REEP1: variants seen among roughly 807,000 people sequenced by gnomAD.
REEP1 encodes receptor accessory protein 1, also known as receptor expression-enhancing protein 1.
In REEP1, 22 loss-of-function variants were observed where a neutral mutation model predicts 40.3. The ratio of observed to expected loss-of-function variants is 0.55; its 90% confidence interval spans 0.39 to 0.78. The LOEUF (loss-of-function observed/expected upper bound fraction) is 0.78. Among genes scored for constraint, REEP1 ranks in the 30% least tolerant of loss-of-function variants. REEP1 has a pLI of 0.00. For synonymous variants in REEP1, 116 were observed against 139.2 expected (o/e 0.83, Z 1.17); for missense variants, 280 against 361.1 (o/e 0.78, Z 1.82).
intron 1 of REEP1, among the ~76,000 whole-genome samples, chr2:86,311,804 T>C (rs1215433720): frequency 6.6e-6 from 1 of 152,160 alleles, no homozygotes; most frequent in Non-Finnish European, 1.5e-5. Flanking sequence ...TGAGTATCTG[T>C]CACCCCTATG....
intron 1 of REEP1, among the ~76,000 whole-genome samples, chr2:86,289,309 C>T (rs1013316211): frequency 6.6e-6 from 1 of 152,126 alleles, no homozygotes; most frequent in South Asian, 2.1e-4. Flanking sequence ...CAGTGCTACC[C>T]GTCATACATA....
intron 1 of REEP1, among the ~76,000 whole-genome samples, chr2:86,286,485 G>C (rs1574083223): frequency 6.6e-6 from 1 of 152,052 alleles, no homozygotes; most frequent in Non-Finnish European, 1.5e-5. Flanking sequence ...TGGTCTTTGG[G>C]CCATGGACTC....
At chr2:86,304,571 T>A (rs1342857997) in intron 1 of REEP1, among the ~76,000 whole-genome samples, 1 of 152,216 alleles carries the variant, frequency 6.6e-6, no homozygotes, top group African/African-American at 2.4e-5. Flanking sequence ...CCAAAGCCGC[T>A]ATCATTGCTG....
intron 1 of REEP1, among the ~76,000 whole-genome samples, chr2:86,323,519 G>A (rs940398950): frequency 1.3e-5 from 2 of 152,298 alleles, no homozygotes; most frequent in South Asian, 4.1e-4. Context: ...ATGGGAGCAC[G>A]AATCCTATTG....
intron 1 of REEP1, among the ~76,000 whole-genome samples, chr2:86,302,174 C>T (rs1679281994): frequency 6.6e-6 from 1 of 152,222 alleles, no homozygotes; most frequent in Non-Finnish European, 1.5e-5. Flanking sequence ...AGGAGGCTCC[C>T]GGGTCCCAGA....
intron 5 of REEP1, among the ~76,000 whole-genome samples, chr2:86,237,294 T>G (rs1475110324): frequency 6.6e-6 from 1 of 152,082 alleles, no homozygotes; most frequent in East Asian, 1.9e-4. Flanking sequence ...AGTGGCAGCA[T>G]CAAAACTGGC....
At chr2:86,254,894 G>T in intron 3 of REEP1, 80 bp from the exon 4 acceptor site, 1 of 1,519,550 alleles carries the variant, frequency 6.6e-7, no homozygotes, top group Non-Finnish European at 9.0e-7. Flanking sequence ...CCGGTGGGTG[G>T]CAAGGACGCC....
At chr2:86,281,777 C>T (rs779380601) in intron 2 of REEP1, among the ~76,000 whole-genome samples, 72 of 152,176 alleles carry the variant, frequency 4.7e-4, no homozygotes, top group Non-Finnish European at 8.7e-4. Flanking sequence ...CCCAGGTCTG[C>T]CAGACTCTAA....
chr2:86,278,624 G>A (rs1677894522), intron 2 of REEP1, among the ~76,000 whole-genome samples: 1 of 152,146 alleles, frequency 6.6e-6, no homozygotes, highest in African/African-American at 2.4e-5. Context: ...TCTAAAATTG[G>A]GAGACATCTC....
At chr2:86,278,068 A>G (rs1275299954) in intron 2 of REEP1, among the ~76,000 whole-genome samples, 4 of 152,130 alleles carry the variant, frequency 2.6e-5, no homozygotes, top group South Asian at 4.1e-4. Context: ...TGGTTCCCTC[A>G]TTAGTTCATA....
intron 1 of REEP1, among the ~76,000 whole-genome samples, chr2:86,296,281 C>T (rs546664481): frequency 6.6e-6 from 1 of 152,334 alleles, no homozygotes; most frequent in South Asian, 2.1e-4. Context: ...TTTGCACATA[C>T]AAAAACTCTA....
intron 5 of REEP1, among the ~76,000 whole-genome samples, chr2:86,238,612 G>A (rs545616585): frequency 9.6e-4 from 146 of 152,268 alleles, no homozygotes; most frequent in Non-Finnish European, 1.6e-3. Flanking sequence ...ATCAGCCAGG[G>A]TCCCAGACCT....
chr2:86,254,932 TC>T, intron 3 of REEP1, 118 bp from the exon 4 acceptor site: 1 of 1,100,414 alleles, frequency 9.1e-7, no homozygotes, highest in Non-Finnish European at 1.3e-6. Flanking sequence ...GCTGCAAGTT[TC>T]CCAGATTCCT....
intron 1 of REEP1, among the ~76,000 whole-genome samples, chr2:86,313,387 T>C (rs1321985380): frequency 6.6e-6 from 1 of 152,010 alleles, no homozygotes; most frequent in Non-Finnish European, 1.5e-5. Flanking sequence ...TGCTAAGTTG[T>C]TGGGCCATCA....
chr2:86,317,151 CCA>C (rs1404640020), intron 1 of REEP1, among the ~76,000 whole-genome samples: 1 of 152,204 alleles, frequency 6.6e-6, no homozygotes, highest in South Asian at 2.1e-4. Context: ...AGAACACTCT[CCA>C]CACAGCCGAC....
At chr2:86,222,467 A>G (rs922935263) in intron 7 of REEP1, among the ~76,000 whole-genome samples, 2 of 152,260 alleles carry the variant, frequency 1.3e-5, no homozygotes, top group Admixed American at 1.3e-4. Context: ...CATTTCTGCC[A>G]AGAGTGTTGT....
At chr2:86,234,763 G>C (rs1355002107) in intron 5 of REEP1, among the ~76,000 whole-genome samples, 1 of 152,200 alleles carries the variant, frequency 6.6e-6, no homozygotes, top group African/African-American at 2.4e-5. Context: ...GTGATGGTTG[G>C]GCAAGGGTCC....
At chr2:86,303,339 C>T (rs1254347988) in intron 1 of REEP1, among the ~76,000 whole-genome samples, 1 of 150,824 alleles carries the variant, frequency 6.6e-6, no homozygotes, top group Non-Finnish European at 1.5e-5. Context: ...GCCTCAGGCT[C>T]CTAAGCAGCT....
Position 86,335,452 on chromosome 2 carries a change from C to T in REEP1, c.32+2027G>A, listed in dbSNP as rs541722822. Among the ~76,000 whole-genome samples, 4 of 152,252 alleles carry T rather than the reference C, an allele frequency of 2.6e-5. No individual in the cohort carries two copies. In the South Asian group the frequency reaches 8.3e-4, roughly 32 times the overall value. ...GCTGTTCATTTAAATTCTCTGAAGT[C>T]TCGGTTCTAGGGAGTGTGGTTGTTT... On this transcript the variant is annotated intron_variant, in intron 1 of 8. Transcript: ENST00000538924.
Sources: gnomAD v4.1 joint callset for allele counts (sites outside exome capture counted in the v4.1 genomes callset) on GRCh38, gnomAD v4.1.1 for gene constraint, MANE v1.5 for transcripts, NCBI Gene and HGNC (gene_info 2026-07-23, HGNC 2026-07-21) for gene names.